The following CLPSL1 variants were observed in gnomAD, a reference collection of about 807,000 sequenced individuals.
The protein encoded by CLPSL1 is colipase-like protein 1.
A neutral mutation model predicts 9.3 loss-of-function variants in CLPSL1; 13 were observed. That is an observed-to-expected ratio of 1.40 (90% CI 0.91 to 2.22). CLPSL1 has a LOEUF of 2.22. CLPSL1 is among the 30% of genes most tolerant of loss of function. The probability of loss-of-function intolerance (pLI) is 0.00; values close to 1 mark genes in which losing one functional copy is unlikely to be tolerated. For synonymous variants in CLPSL1, 58 were observed against 56.9 expected, an observed-to-expected ratio of 1.02 and a Z score of -0.08; for missense variants, 164 against 146.6, an observed-to-expected ratio of 1.12 and a Z score of -0.61.
chr6:35,788,270 G>T, downstream of CLPSL1: 1 of 468,542 alleles, frequency 2.1e-6, no homozygotes, highest in Non-Finnish European at 3.9e-6. Flanking sequence ...TTGGACTTGG[G>T]GTCTTTCCCC....
chr6:35,788,218 G>T (rs1211648758), downstream of CLPSL1: 29 of 573,690 alleles, frequency 5.1e-5, no homozygotes, highest in African/African-American at 5.6e-5. Flanking sequence ...GTTTCTGGGG[G>T]GTGGGGAGGT....
intron 1 of CLPSL1, among the ~76,000 whole-genome samples, chr6:35,785,751 C>T (rs560077344): frequency 6.6e-6 from 1 of 151,980 alleles, no homozygotes; most frequent in Non-Finnish European, 1.5e-5. Flanking sequence ...TCTCCTACCC[C>T]ACTCATGCCT....
Position 35,788,044 on chromosome 6 carries a change from A to T in CLPSL1, c.*34A>T, listed in dbSNP as rs1182465426. On this transcript the variant is annotated 3_prime_UTR_variant, in exon 3 of 3. Transcript: ENST00000373861. The stretch of plus-strand genomic sequence containing the variant: ...CCTTCTTGCTGCCTCCTCCTCCTCC[A>T]CCTGCTCTCCTCCCTACCCAGAGCT... 1.3e-6 allele frequency: 2 copies of T among 1,516,934 alleles called. No homozygotes were observed. Among genetic ancestry groups the T allele is most frequent in the Non-Finnish European group, 9.1e-7 (1 of 1,093,862 alleles). 94.0% of individuals were successfully genotyped at this position (1,516,934 alleles called of 1,614,324 possible). A position where few individuals can be genotyped will look rare whatever the true frequency, so the allele number is the denominator to read the frequency against.
At chr6:35,792,851 C>A (rs1768246816), downstream of CLPSL1, among the ~76,000 whole-genome samples, 1 of 152,268 alleles carries the variant, frequency 6.6e-6, no homozygotes, top group Non-Finnish European at 1.5e-5. Context: ...CTGCTCAGGG[C>A]CTGAGACCCC....
chr6:35,788,894 T>G (rs1361022241), downstream of CLPSL1, among the ~76,000 whole-genome samples: 3 of 152,244 alleles, frequency 2.0e-5, no homozygotes, highest in Non-Finnish European at 4.4e-5. Flanking sequence ...TGGAGTTAAT[T>G]ATTTCAGATT....
chr6:35,786,086 G>A (rs903957886), intron 1 of CLPSL1, among the ~76,000 whole-genome samples: 9 of 152,160 alleles, frequency 5.9e-5, no homozygotes, highest in Admixed American at 3.9e-4. Context: ...CCAGCATGGC[G>A]AAACCCCGTC....
downstream of CLPSL1, among the ~76,000 whole-genome samples, chr6:35,790,557 C>G (rs9462115): frequency 0.22 from 32,927 of 147,238 alleles, 503 homozygotes; most frequent in Non-Finnish European, 0.23. Flanking sequence ...TTAGAATTTG[C>G]GGGTTATGTA....
Position 35,781,027 on chromosome 6 carries a change from T to C in CLPSL1, c.-84T>C. 6.4e-7 allele frequency: 1 copy of C among 1,570,022 alleles called. No individual in the cohort carries two copies. Among genetic ancestry groups the C allele is most frequent in the Admixed American group, 1.8e-5 (1 of 55,806 alleles). On this transcript the variant is annotated 5_prime_UTR_variant, in exon 1 of 3. Transcript: ENST00000373861. ...GGTTGGGTGCTGGTTTTACATGGTGTTCCCACAGCTGGGAGGACACCCACA... is the reference window on the plus strand; with the variant it reads ...GGTTGGGTGCTGGTTTTACATGGTGCTCCCACAGCTGGGAGGACACCCACA...
downstream of CLPSL1, among the ~76,000 whole-genome samples, chr6:35,792,742 A>G (rs1768245085): frequency 6.6e-6 from 1 of 152,266 alleles, no homozygotes; most frequent in Admixed American, 6.5e-5. Flanking sequence ...AGTCCAAAAC[A>G]CGGTGCCAGG....
At chr6:35,781,356 G>C in intron 1 of CLPSL1, 147 bp downstream of exon 1, 1 of 1,284,210 alleles carries the variant, frequency 7.8e-7, no homozygotes, top group Non-Finnish European at 1.0e-6. Context: ...TGTCTCGGAG[G>C]AAAGAGAGAA....
intron 1 of CLPSL1, among the ~76,000 whole-genome samples, chr6:35,785,154 T>G (rs1277838466): frequency 2.0e-5 from 3 of 150,240 alleles, no homozygotes; most frequent in Middle Eastern, 3.5e-3. Flanking sequence ...TCCCTTTTCC[T>G]GTGGAGTGTG....
chr6:35,792,906 T>C (rs1268867509), downstream of CLPSL1, among the ~76,000 whole-genome samples: 4 of 152,252 alleles, frequency 2.6e-5, no homozygotes, highest in Non-Finnish European at 4.4e-5. Context: ...AGCACATAAT[T>C]CATATGTGGC....
intron 2 of CLPSL1, among the ~76,000 whole-genome samples, chr6:35,787,545 G>C (rs899557197): frequency 1.3e-5 from 2 of 152,270 alleles, no homozygotes; most frequent in African/African-American, 2.4e-5. Flanking sequence ...GGTGTGTAGG[G>C]GAGGGAGTTG....
rs761158955 is a variant in CLPSL1, at chr6:35,781,234, ACCTC to A, written c.99+28_99+31del. 7.5e-6 allele frequency: 12 copies of A among 1,610,068 alleles called. No individual in the cohort carries two copies. The South Asian group carries it at 1.3e-4, about 18-fold the overall frequency. On this transcript the variant is annotated intron_variant, in intron 1 of 2. Coordinates refer to ENST00000373861, the MANE Select transcript of CLPSL1 (RefSeq NM_001010886.5). ...GGTAAGAAAGCTGGAGAGTGCAGTC[ACCTC>A]CCCCTCCACTGTCCTAAGGCCTGTA...
At chr6:35,786,880 A>C in intron 1 of CLPSL1, 118 bp from the exon 2 acceptor site, 1 of 1,297,198 alleles carries the variant, frequency 7.7e-7, no homozygotes, top group Non-Finnish European at 1.1e-6. Context: ...GGCAGGAGCC[A>C]GAGGTGATGG....
intron 1 of CLPSL1, among the ~76,000 whole-genome samples, chr6:35,786,279 A>T (rs1349532699): frequency 6.6e-6 from 1 of 152,202 alleles, no homozygotes; most frequent in Non-Finnish European, 1.5e-5. Context: ...GAAAATTTAA[A>T]TTCAGCTCCT....
In CLPSL1 at chr6:35,781,209, G is replaced by A. The variant is rs764710755; in HGVS notation, c.99G>A (p.Leu33=). The change falls in exon 1 of 3, where the codon TTG becomes TTA. Residue 33 remains leucine, a splice_region_variant and synonymous_variant. Transcript: ENST00000373861. ...GSLSPTKYNL[L]ELKESCIRNQ... is the part of the protein sequence containing the mutation. The stretch of plus-strand genomic sequence containing the variant: ...TTTCTCCAACAAAATACAACCTTTT[G>A]GTAAGAAAGCTGGAGAGTGCAGTCA... 2 of 1,613,288 alleles carry A rather than the reference G, an allele frequency of 1.2e-6. No homozygotes were observed. Among genetic ancestry groups the A allele is most frequent in the Non-Finnish European group, 1.7e-6 (2 of 1,179,582 alleles).
intron 1 of CLPSL1, among the ~76,000 whole-genome samples, chr6:35,786,580 A>C (rs945548017): frequency 2.6e-5 from 4 of 152,190 alleles, no homozygotes; most frequent in Non-Finnish European, 5.9e-5. Context: ...CCTAAGCCCC[A>C]GTGCTGGGTG....
chr6:35,785,946 C>CA (rs35079833), intron 1 of CLPSL1, among the ~76,000 whole-genome samples: 59,282 of 110,494 alleles, frequency 0.54, 15,496 homozygotes, highest in East Asian at 0.67. Flanking sequence ...GAGACTTTGT[C>CA]AAAAAAAAAA....
Sources: gnomAD v4.1 joint callset for allele counts (sites outside exome capture counted in the v4.1 genomes callset) on GRCh38, gnomAD v4.1.1 for gene constraint, MANE v1.5 for transcripts, NCBI Gene and HGNC (gene_info 2026-07-23, HGNC 2026-07-21) for gene names.